PRKAG2: variants seen among roughly 807,000 people sequenced by gnomAD.
PRKAG2 encodes the protein protein kinase AMP-activated non-catalytic subunit gamma 2, also known as 5'-AMP-activated protein kinase subunit gamma-2.
A neutral mutation model predicts 69.6 loss-of-function variants in PRKAG2; 26 were observed. The ratio of observed to expected loss-of-function variants is 0.37; its 90% CI spans 0.27 to 0.52. The LOEUF is 0.52. Among genes scored for constraint, PRKAG2 ranks in the 20% least tolerant of loss-of-function variants. The probability of loss-of-function intolerance (pLI) is 0.90; values close to 1 mark genes in which losing one functional copy is unlikely to be tolerated. For missense variants in PRKAG2, 557 were observed against 740.0 expected, an observed-to-expected ratio of 0.75 and a Z score of 2.87; for synonymous variants, 293 against 285.0, an observed-to-expected ratio of 1.03 and a Z score of -0.28.
At chr7:151,728,472 G>A (rs1563538186) in intron 3 of PRKAG2, among the ~76,000 whole-genome samples, 1 of 152,224 alleles carries the variant, frequency 6.6e-6, no homozygotes, top group East Asian at 1.9e-4. Flanking sequence ...AGCAGGGGCT[G>A]GCCAGCACCC....
At chr7:151,652,974 T>C (rs1189825141) in intron 4 of PRKAG2, among the ~76,000 whole-genome samples, 2 of 152,188 alleles carry the variant, frequency 1.3e-5, no homozygotes, top group Non-Finnish European at 2.9e-5. Flanking sequence ...ACTGATTTGA[T>C]AACTACTGAA....
chr7:151,815,350 T>C (rs2151858671), intron 1 of PRKAG2, among the ~76,000 whole-genome samples: 1 of 152,206 alleles, frequency 6.6e-6, no homozygotes. Context: ...TTCCTGGAGA[T>C]AGTAAGCAAC....
At chr7:151,688,402 G>A (rs1348221006) in intron 3 of PRKAG2, among the ~76,000 whole-genome samples, 6 of 152,206 alleles carry the variant, frequency 3.9e-5, no homozygotes, top group Admixed American at 6.5e-5. Flanking sequence ...CGGTATACAC[G>A]GCTATCGCTA....
chr7:151,744,160 T>C (rs569458788), intron 3 of PRKAG2, among the ~76,000 whole-genome samples: 396 of 152,260 alleles, frequency 2.6e-3, no homozygotes, highest in African/African-American at 9.3e-3. Context: ...GGCTCTGATA[T>C]GTAACCCCCA....
At position 151,850,148 on chromosome 7, in the gene PRKAG2, C is replaced by T. The variant is rs577731387; in HGVS notation, c.114+26359G>A. The stretch of plus-strand genomic sequence containing the variant: ...GTGGCTCAGTGTCTGCAGAAAGAAG[C>T]GGGAGGGGGGTGCAGGGGAACCGTA... On this transcript the variant is annotated intron_variant, in intron 1 of 15. Transcript: ENST00000287878. The surrounding 1 kb of genome is among the most constrained non-coding windows in gnomAD (Gnocchi z 4.1). Among the ~76,000 whole-genome samples, 24 of 152,166 alleles carry T rather than the reference C, an allele frequency of 1.6e-4. No homozygotes were observed. The highest frequency in any genetic ancestry group is 1.3e-3 in the Admixed American group (20 of 15,290).
At chr7:151,749,651 C>A (rs150177249) in intron 3 of PRKAG2, among the ~76,000 whole-genome samples, 1 of 152,042 alleles carries the variant, frequency 6.6e-6, no homozygotes, top group African/African-American at 2.4e-5. Context: ...TGAGCAGCTG[C>A]CTTGATTAAA....
chr7:151,723,568 C>T (rs893360901), intron 3 of PRKAG2, among the ~76,000 whole-genome samples: 10 of 152,200 alleles, frequency 6.6e-5, no homozygotes, highest in African/African-American at 2.2e-4. Context: ...GCCGATGGGC[C>T]GCACCTGCCT....
chr7:151,647,802 C>T (rs2151385343), intron 4 of PRKAG2, among the ~76,000 whole-genome samples: 1 of 152,316 alleles, frequency 6.6e-6, no homozygotes, highest in East Asian at 1.9e-4. Flanking sequence ...ATCCTAATAT[C>T]TGCATACAGT....
intron 3 of PRKAG2, among the ~76,000 whole-genome samples, chr7:151,679,579 G>C (rs1833517177): frequency 6.6e-6 from 1 of 152,252 alleles, no homozygotes; most frequent in African/African-American, 2.4e-5. Context: ...GATGTGGTGG[G>C]GGGCGTTTTA....
chr7:151,653,738 A>C (rs1470131859), intron 4 of PRKAG2, among the ~76,000 whole-genome samples: 1 of 152,188 alleles, frequency 6.6e-6, no homozygotes, highest in African/African-American at 2.4e-5. Context: ...GCTACTTGGG[A>C]GGCTGAGGCA....
chr7:151,642,653 C>A (rs146833980), intron 4 of PRKAG2, among the ~76,000 whole-genome samples: 1 of 152,328 alleles, frequency 6.6e-6, no homozygotes, highest in East Asian at 1.9e-4. Flanking sequence ...TAGTTCCTCC[C>A]TAACATTCAT....
chr7:151,650,146 TG>T (rs1459498694), intron 4 of PRKAG2, among the ~76,000 whole-genome samples: 1 of 151,858 alleles, frequency 6.6e-6, no homozygotes, highest in Non-Finnish European at 1.5e-5. Context: ...GCCTGGGAGG[TG>T]GAGGCTGCAG....
At chr7:151,724,435 G>A (rs773126173) in intron 3 of PRKAG2, among the ~76,000 whole-genome samples, 1 of 152,054 alleles carries the variant, frequency 6.6e-6, no homozygotes, top group Non-Finnish European at 1.5e-5. Context: ...ACCTGCTCCC[G>A]TCCTCCCCTC....
rs75098308 is a variant in PRKAG2 at position 151,660,725 on chromosome 7, C to T, written c.684+14695G>A. Among the ~76,000 whole-genome samples, 8 of 152,342 alleles carry T rather than the reference C, an allele frequency of 5.3e-5. No homozygotes were observed. The East Asian group carries it at 1.5e-3, about 29-fold the overall frequency. ...GAACAGTCTCTAGCAGGGTCTACAT[C>T]TGTTATCTGTCCATTTCTGTATTTG... On this transcript the variant is annotated intron_variant, in intron 4 of 15. Coordinates refer to ENST00000287878, the MANE Select transcript of PRKAG2 (RefSeq NM_016203.4).
chr7:151,792,825 G>C (rs1429232161), intron 1 of PRKAG2, among the ~76,000 whole-genome samples: 1 of 152,192 alleles, frequency 6.6e-6, no homozygotes, highest in Admixed American at 6.5e-5. Context: ...CCAGCACAGA[G>C]AGCACCATCT....
chr7:151,830,701 G>A (rs2079004125), intron 1 of PRKAG2, among the ~76,000 whole-genome samples: 1 of 151,130 alleles, frequency 6.6e-6, no homozygotes, highest in South Asian at 2.1e-4. Flanking sequence ...GAGGCCTCCT[G>A]CGGGATGGTG....
chr7:151,830,663 G>A (rs73160039), intron 1 of PRKAG2, among the ~76,000 whole-genome samples: 1 of 151,492 alleles, frequency 6.6e-6, no homozygotes, highest in African/African-American at 2.4e-5. Context: ...CCCCGGGGGC[G>A]GGGGGAAGAG....
chr7:151,654,319 G>A (rs1177209760), intron 4 of PRKAG2, among the ~76,000 whole-genome samples: 1 of 152,122 alleles, frequency 6.6e-6, no homozygotes, highest in Non-Finnish European at 1.5e-5. Flanking sequence ...TTGCACCCCA[G>A]ACACAATCAC....
At chr7:151,733,885 G>A (rs1799350009) in intron 3 of PRKAG2, among the ~76,000 whole-genome samples, 1 of 151,846 alleles carries the variant, frequency 6.6e-6, no homozygotes, top group South Asian at 2.1e-4. Context: ...TTGTAGAGAG[G>A]GGTCTCATGA....
Sources: gnomAD v4.1 joint callset for allele counts (sites outside exome capture counted in the v4.1 genomes callset) on GRCh38, gnomAD v4.1.1 for gene constraint, Gnocchi (gnomAD v3.1) non-coding constraint, MANE v1.5 for transcripts, NCBI Gene and HGNC (gene_info 2026-07-23, HGNC 2026-07-21) for gene names.